Variants in ELMO1 observed in about 807,000 individuals in gnomAD.
ELMO1 encodes the protein engulfment and cell motility protein 1.
A neutral mutation model predicts 98.9 loss-of-function variants in ELMO1; 26 were observed. The observed-to-expected ratio is 0.26, with a 90% CI of 0.19 to 0.36. ELMO1 has a LOEUF of 0.36. ELMO1 is among the 10% of genes least tolerant of loss of function. ELMO1 has a pLI of 1.00. For synonymous variants in ELMO1, 346 were observed against 346.0 expected, an observed-to-expected ratio of 1.00 and a Z score of 0.00; for missense variants, 627 against 935.2, an observed-to-expected ratio of 0.67 and a Z score of 4.30.
intron 13 of ELMO1, among the ~76,000 whole-genome samples, chr7:37,172,543 C>T (rs1242866181): frequency 6.6e-6 from 1 of 152,178 alleles, no homozygotes; most frequent in African/African-American, 2.4e-5. Flanking sequence ...CTTTCATAGA[C>T]TTCATCAGCT....
At chr7:37,167,872 C>T (rs369579296) in intron 13 of ELMO1, among the ~76,000 whole-genome samples, 38 of 148,910 alleles carry the variant, frequency 2.6e-4, no homozygotes, top group African/African-American at 7.7e-4. Flanking sequence ...TTTCCTGAAT[C>T]TGAATGTTGG....
chr7:36,959,175 T>C (rs192952802), intron 16 of ELMO1, among the ~76,000 whole-genome samples: 63 of 152,260 alleles, frequency 4.1e-4, no homozygotes, highest in African/African-American at 1.5e-3. Flanking sequence ...ATTCAGAGCA[T>C]GCCCACTCCT....
At chr7:36,875,983 G>A (rs1803929940) in intron 19 of ELMO1, among the ~76,000 whole-genome samples, 1 of 152,186 alleles carries the variant, frequency 6.6e-6, no homozygotes, top group African/African-American at 2.4e-5. Flanking sequence ...AGATTCACTG[G>A]ACCATATGGG....
At chr7:36,934,197 C>T (rs918432148) in intron 16 of ELMO1, among the ~76,000 whole-genome samples, 4 of 152,282 alleles carry the variant, frequency 2.6e-5, no homozygotes, top group South Asian at 2.1e-4. Flanking sequence ...ACTAGGGCAA[C>T]GCGGATGACA....
At chr7:37,152,440 G>T (rs933142518) in intron 13 of ELMO1, among the ~76,000 whole-genome samples, 2 of 88,032 alleles carry the variant, frequency 2.3e-5, no homozygotes, top group African/African-American at 3.3e-5. Context: ...GAGCAATGTT[G>T]GGGCTTTTTT....
At chr7:37,199,526 C>T (rs188829874) in intron 13 of ELMO1, among the ~76,000 whole-genome samples, 39 of 152,338 alleles carry the variant, frequency 2.6e-4, no homozygotes, top group African/African-American at 9.4e-4. Context: ...GTCCACAGGT[C>T]ATGGGTGCTT....
At chr7:37,434,408 G>C (rs1042201692) in intron 1 of ELMO1, among the ~76,000 whole-genome samples, 3 of 152,056 alleles carry the variant, frequency 2.0e-5, no homozygotes, top group Admixed American at 6.5e-5. Flanking sequence ...ATTCCTAAGT[G>C]GTTGCATTAC....
intron 13 of ELMO1, among the ~76,000 whole-genome samples, chr7:37,160,712 G>T (rs555687098): frequency 9.8e-4 from 149 of 152,234 alleles, no homozygotes; most frequent in African/African-American, 3.4e-3. Context: ...CAGGTGCCTG[G>T]GAGTCCTGTG....
chr7:36,982,674 T>C (rs1370529505), intron 16 of ELMO1, among the ~76,000 whole-genome samples: 7 of 152,230 alleles, frequency 4.6e-5, no homozygotes, highest in Non-Finnish European at 5.9e-5. Flanking sequence ...ACAGATTCCT[T>C]TCCACTTAGC....
intron 16 of ELMO1, among the ~76,000 whole-genome samples, chr7:36,980,754 T>A (rs1417495392): frequency 6.6e-6 from 1 of 152,212 alleles, no homozygotes; most frequent in Non-Finnish European, 1.5e-5. Flanking sequence ...CTGCACTCAC[T>A]GAAATCCCAA....
chr7:37,154,123 C>CA (rs1366874454), intron 13 of ELMO1, among the ~76,000 whole-genome samples: 1 of 152,074 alleles, frequency 6.6e-6, no homozygotes, highest in Admixed American at 6.5e-5. Flanking sequence ...TCAACATCAA[C>CA]AAAAAAGGAC....
At chr7:37,219,032 T>C (rs1473933734) in intron 10 of ELMO1, among the ~76,000 whole-genome samples, 2 of 152,174 alleles carry the variant, frequency 1.3e-5, no homozygotes, top group Non-Finnish European at 2.9e-5. Flanking sequence ...AGCAAAAGGA[T>C]CCATTTGCCC....
rs570073265 is a variant in ELMO1, at chr7:37,020,793, C to T, written c.1301-7358G>A. On this transcript the variant is annotated intron_variant, in intron 15 of 21. Coordinates refer to ENST00000310758, the MANE Select transcript of ELMO1 (RefSeq NM_014800.11). ...GAAATGGTGCACTTTGAAAAACACA[C>T]GCACTGGCCTAACACAATGGATGTT... Among the ~76,000 whole-genome samples, 15 of 152,266 alleles carry T rather than the reference C, an allele frequency of 9.9e-5. No individual in the cohort carries two copies. The East Asian group carries it at 1.9e-3, about 20-fold the overall frequency.
intron 15 of ELMO1, among the ~76,000 whole-genome samples, chr7:37,052,001 C>T (rs1266628721): frequency 1.3e-5 from 2 of 152,198 alleles, no homozygotes; most frequent in Non-Finnish European, 2.9e-5. Context: ...TCAGACCTTT[C>T]ATTCCCTTAT....
At chr7:37,058,652 T>A (rs1355160269) in intron 15 of ELMO1, among the ~76,000 whole-genome samples, 1 of 151,872 alleles carries the variant, frequency 6.6e-6, no homozygotes, top group Non-Finnish European at 1.5e-5. Context: ...TCTGTGGGAG[T>A]GTGATATGAC....
At position 37,121,468 on chromosome 7, in the gene ELMO1, C is replaced by T. The variant is rs1275527023; in HGVS notation, c.1191+11662G>A. Among the ~76,000 whole-genome samples the T allele has an allele frequency of 2.6e-5, 4 of 152,196 alleles. No individual in the cohort carries two copies. The South Asian group carries it at 8.3e-4, about 32-fold the overall frequency. ...GCTGAAAACCATGGCATGAGAACCACATGATAAATGCACAAGCTTCAGTAG... is the reference window on the plus strand; with the variant it reads ...GCTGAAAACCATGGCATGAGAACCATATGATAAATGCACAAGCTTCAGTAG... On this transcript the variant is annotated intron_variant, in intron 14 of 21. Coordinates refer to ENST00000310758, the MANE Select transcript of ELMO1 (RefSeq NM_014800.11).
At chr7:36,861,145 C>T (rs180936018) in intron 21 of ELMO1, among the ~76,000 whole-genome samples, 74 of 152,234 alleles carry the variant, frequency 4.9e-4, no homozygotes, top group Admixed American at 1.1e-3. Flanking sequence ...TAGCTGACAG[C>T]GTGCTACAAG....
chr7:37,012,072 G>A (rs1159010540), intron 16 of ELMO1, among the ~76,000 whole-genome samples: 4 of 152,162 alleles, frequency 2.6e-5, no homozygotes, highest in Non-Finnish European at 5.9e-5. Context: ...GGCATTACTG[G>A]GGTCTATTTC....
chr7:36,880,587 G>A (rs1478146988), intron 18 of ELMO1, among the ~76,000 whole-genome samples: 1 of 152,178 alleles, frequency 6.6e-6, no homozygotes, highest in Non-Finnish European at 1.5e-5. Context: ...ACTATGTGTA[G>A]CGAAACATCA....
Sources: gnomAD v4.1 joint callset for allele counts (sites outside exome capture counted in the v4.1 genomes callset) on GRCh38, gnomAD v4.1.1 for gene constraint, MANE v1.5 for transcripts, NCBI Gene and HGNC (gene_info 2026-07-23, HGNC 2026-07-21) for gene names.